Variants in C1orf21 observed in about 807,000 individuals in gnomAD.
C1orf21 encodes chromosome 1 open reading frame 21.
A neutral mutation model predicts 18.7 loss-of-function variants in C1orf21; 3 were observed. The ratio of observed to expected loss-of-function variants is 0.16; its 90% CI spans 0.07 to 0.42. The LOEUF (loss-of-function observed/expected upper bound fraction) is 0.42, where lower values mean the gene tolerates loss of function less well. C1orf21 is among the 10% of genes least tolerant of loss of function. The pLI, the probability that C1orf21 is intolerant of heterozygous loss-of-function variation, is 0.99. For missense variants in C1orf21, 104 were observed against 143.6 expected (o/e 0.72, Z 1.41); for synonymous variants, 41 against 46.4 (o/e 0.88, Z 0.47).
intron 2 of C1orf21, among the ~76,000 whole-genome samples, chr1:184,490,652 G>A (rs35040136): frequency 3.3e-4 from 50 of 152,186 alleles, no homozygotes; most frequent in Non-Finnish European, 5.4e-4. Flanking sequence ...CATAGACAAT[G>A]TAAGAATCAT....
At chr1:184,541,578 A>G (rs1337686917) in intron 3 of C1orf21, among the ~76,000 whole-genome samples, 1 of 152,182 alleles carries the variant, frequency 6.6e-6, no homozygotes, top group Admixed American at 6.5e-5. Context: ...TGACAGGGAG[A>G]AAATATGTGA....
intron 3 of C1orf21, among the ~76,000 whole-genome samples, chr1:184,518,620 T>G (rs1423568728): frequency 1.3e-5 from 2 of 152,174 alleles, no homozygotes; most frequent in African/African-American, 4.8e-5. Context: ...TTTTAAATGT[T>G]TTTTTCTCTT....
chr1:184,586,460 T>A (rs1441439999), intron 3 of C1orf21, among the ~76,000 whole-genome samples: 1 of 151,942 alleles, frequency 6.6e-6, no homozygotes, highest in East Asian at 1.9e-4. Flanking sequence ...ATTTTTTGTA[T>A]TTTTAGTAGA....
At chr1:184,570,903 G>A (rs999793831) in intron 3 of C1orf21, among the ~76,000 whole-genome samples, 1 of 152,128 alleles carries the variant, frequency 6.6e-6, no homozygotes, top group African/African-American at 2.4e-5. Flanking sequence ...GTTGCTCCTA[G>A]GCTACAAACT....
intron 3 of C1orf21, among the ~76,000 whole-genome samples, chr1:184,531,814 G>A (rs1658466710): frequency 6.6e-6 from 1 of 152,078 alleles, no homozygotes; most frequent in Non-Finnish European, 1.5e-5. Context: ...AATTAACAGT[G>A]CACTTCCTAC....
intron 2 of C1orf21, among the ~76,000 whole-genome samples, chr1:184,503,648 T>G (rs1658009909): frequency 6.6e-6 from 1 of 152,180 alleles, no homozygotes; most frequent in African/African-American, 2.4e-5. Flanking sequence ...GCCTTCACTC[T>G]TCTCTGCTCT....
chr1:184,537,127 T>C (rs992839172), intron 3 of C1orf21, among the ~76,000 whole-genome samples: 2 of 152,202 alleles, frequency 1.3e-5, no homozygotes, highest in Non-Finnish European at 2.9e-5. Flanking sequence ...GTTTTTTTAA[T>C]TGTGGTAAAA....
intron 5 of C1orf21, among the ~76,000 whole-genome samples, chr1:184,618,645 C>A (rs985399738): frequency 7.9e-6 from 1 of 127,110 alleles, no homozygotes; most frequent in East Asian, 2.1e-4. Context: ...TTCCCCCCCC[C>A]CAAGAAAAAT....
Position 184,625,405 on chromosome 1 carries a change from A to T in C1orf21, c.*5849A>T, listed in dbSNP as rs540075512. The T allele has an allele frequency of 3.7e-4, 57 of 152,764 alleles. No homozygotes were observed. Among genetic ancestry groups the T allele is most frequent in the African/African-American group, 1.3e-3 (56 of 41,574 alleles). The allele number at this position is 152,764 out of a possible 1,614,324, so 9.5% of individuals were successfully genotyped here. On this transcript the variant is annotated 3_prime_UTR_variant, in exon 6 of 6. Coordinates refer to ENST00000235307, the MANE Select transcript of C1orf21 (RefSeq NM_030806.4). Reference sequence around the variant, plus strand: ...TCTTGACAGGCAAGCAAGCAAAGAAAGTTTTGCAATAGATTTCAAGCCAGT... The same window carrying T: ...TCTTGACAGGCAAGCAAGCAAAGAATGTTTTGCAATAGATTTCAAGCCAGT...
intron 5 of C1orf21, among the ~76,000 whole-genome samples, chr1:184,612,586 C>A (rs1659753507): frequency 6.6e-6 from 1 of 151,994 alleles, no homozygotes; most frequent in South Asian, 2.1e-4. Context: ...ATTAGCCAGG[C>A]GTGGTGGTGC....
intron 3 of C1orf21, among the ~76,000 whole-genome samples, chr1:184,559,939 A>G (rs1658938748): frequency 6.6e-6 from 1 of 152,066 alleles, no homozygotes; most frequent in African/African-American, 2.4e-5. Flanking sequence ...TTTTGTAGAC[A>G]CAGGGTCTCA....
intron 1 of C1orf21, among the ~76,000 whole-genome samples, chr1:184,436,743 G>A (rs749261987): frequency 1.3e-4 from 20 of 151,952 alleles, no homozygotes; most frequent in African/African-American, 2.7e-4. Flanking sequence ...ACACCTACCC[G>A]TGGCAGGTAT....
chr1:184,530,600 C>CTTTTTTTTTTT (rs1184327589), intron 3 of C1orf21, among the ~76,000 whole-genome samples: 1 of 111,460 alleles, frequency 9.0e-6, no homozygotes, highest in Non-Finnish European at 1.9e-5. Flanking sequence ...TTTCTTTTTT[C>CTTTTTTTTTTT]TTTTTTTTTT....
chr1:184,498,217 A>T (rs1385981716), intron 2 of C1orf21, among the ~76,000 whole-genome samples: 1 of 152,186 alleles, frequency 6.6e-6, no homozygotes, highest in Non-Finnish European at 1.5e-5. Flanking sequence ...GGGGCCTGAG[A>T]TGCTCAAAGG....
chr1:184,462,048 G>T (rs1196545825), intron 1 of C1orf21, among the ~76,000 whole-genome samples: 1 of 152,196 alleles, frequency 6.6e-6, no homozygotes, highest in African/African-American at 2.4e-5. Flanking sequence ...CAGGGAGGAG[G>T]ACATGGGTCT....
intron 2 of C1orf21, among the ~76,000 whole-genome samples, chr1:184,495,517 G>GA (rs1392957675): frequency 6.6e-6 from 1 of 152,042 alleles, no homozygotes; most frequent in Non-Finnish European, 1.5e-5. Flanking sequence ...ACCTTTTAAA[G>GA]AAAAAATTAA....
rs1368490549 is a variant in C1orf21 at position 184,622,650 on chromosome 1, T to C, written c.*3094T>C. On this transcript the variant is annotated 3_prime_UTR_variant, in exon 6 of 6. Transcript: ENST00000235307. ...GTATAAAGTCCAGAGATGAGAAAAC[T>C]GGGTCAGCCCTCAGAAACTGCAGCA... 6.5e-6 allele frequency: 1 copy of C among 152,868 alleles called. No individual in the cohort carries two copies. Among genetic ancestry groups the C allele is most frequent in the Non-Finnish European group, 1.5e-5 (1 of 68,220 alleles). 9.5% of individuals were successfully genotyped at this position (152,868 alleles called of 1,614,324 possible). A position where few individuals can be genotyped will look rare whatever the true frequency, so the allele number is the denominator to read the frequency against.
chr1:184,564,233 A>C (rs1659003277), intron 3 of C1orf21, among the ~76,000 whole-genome samples: 1 of 152,210 alleles, frequency 6.6e-6, no homozygotes, highest in Non-Finnish European at 1.5e-5. Flanking sequence ...TATGCAAAAT[A>C]CCTAGACTGG....
intron 3 of C1orf21, among the ~76,000 whole-genome samples, chr1:184,526,558 T>C (rs1557994295): frequency 6.6e-6 from 1 of 152,202 alleles, no homozygotes; most frequent in Non-Finnish European, 1.5e-5. Flanking sequence ...CTAAGTCATG[T>C]TTTGGCTATT....
Sources: allele counts gnomAD v4.1 joint callset (sites outside exome capture counted in the v4.1 genomes callset), GRCh38; gene constraint gnomAD v4.1.1; transcripts MANE v1.5; gene names NCBI Gene and HGNC (gene_info 2026-07-23, HGNC 2026-07-21).